Variants in ERBB4 observed in about 807,000 individuals in gnomAD.
ERBB4 encodes erb-b2 receptor tyrosine kinase 4, also known as receptor tyrosine-protein kinase erbB-4.
A neutral mutation model predicts 158.0 loss-of-function variants in ERBB4; 42 were observed. That is an observed-to-expected ratio of 0.27 (90% confidence interval 0.21 to 0.34). ERBB4 has a LOEUF of 0.34. Ranked by LOEUF, ERBB4 falls within the 10% of genes least tolerant of loss-of-function variation. The pLI, the probability that ERBB4 is intolerant of heterozygous loss-of-function variation, is 1.00. For synonymous variants in ERBB4, 583 were observed against 558.7 expected (o/e 1.04, Z -0.61); for missense variants, 1,333 against 1,624.1 (o/e 0.82, Z 3.08).
At position 211,616,184 on chromosome 2, in the gene ERBB4, C is replaced by G. The variant is rs138720326; in HGVS notation, c.2301+2993G>C. Among the ~76,000 whole-genome samples the G allele has an allele frequency of 5.6e-3, 853 of 151,004 alleles. 11 individuals carry two copies. Among genetic ancestry groups the G allele is most frequent in the African/African-American group, 0.02 (815 of 41,046 alleles). ...GTGAAGTGTGGCTCTTTCCCAGCAGCTCTACACCCTCAGCTCCCTTAACCC... is the reference window on the plus strand; with the variant it reads ...GTGAAGTGTGGCTCTTTCCCAGCAGGTCTACACCCTCAGCTCCCTTAACCC... On this transcript the variant is annotated intron_variant, in intron 19 of 27. Transcript: ENST00000342788.
chr2:211,746,655 C>T (rs1257068233), intron 5 of ERBB4, among the ~76,000 whole-genome samples: 4 of 151,870 alleles, frequency 2.6e-5, no homozygotes, highest in African/African-American at 7.3e-5. Flanking sequence ...ATGGCGAAAC[C>T]CCGTCTCTAC....
At chr2:212,105,084 T>A (rs1426087339) in intron 2 of ERBB4, among the ~76,000 whole-genome samples, 1 of 152,220 alleles carries the variant, frequency 6.6e-6, no homozygotes, top group Non-Finnish European at 1.5e-5. Context: ...CCCTAAAAAA[T>A]CAGATGACTT....
At chr2:211,521,017 C>T (rs1353699785) in intron 20 of ERBB4, among the ~76,000 whole-genome samples, 1 of 152,074 alleles carries the variant, frequency 6.6e-6, no homozygotes, top group Admixed American at 6.6e-5. Context: ...CTTCCTATCC[C>T]CTGACATACA....
intron 4 of ERBB4, among the ~76,000 whole-genome samples, chr2:211,783,416 T>C (rs949924536): frequency 2.6e-5 from 4 of 152,092 alleles, no homozygotes; most frequent in African/African-American, 9.7e-5. Flanking sequence ...TGAATAGGAG[T>C]GGTGAGAGAG....
At chr2:211,807,808 G>T (rs1435771595) in intron 3 of ERBB4, among the ~76,000 whole-genome samples, 3 of 152,106 alleles carry the variant, frequency 2.0e-5, no homozygotes, top group African/African-American at 7.2e-5. Context: ...ACTTTTTAAT[G>T]ATCTCCATTG....
At chr2:211,728,762 A>G (rs979014458) in intron 5 of ERBB4, among the ~76,000 whole-genome samples, 2 of 151,896 alleles carry the variant, frequency 1.3e-5, no homozygotes, top group Non-Finnish European at 3.0e-5. Flanking sequence ...TTTTAATCAT[A>G]GACAGATATG....
chr2:212,337,034 T>C (rs951921290), intron 1 of ERBB4, among the ~76,000 whole-genome samples: 1 of 152,070 alleles, frequency 6.6e-6, no homozygotes, highest in African/African-American at 2.4e-5. Context: ...ATTCCATCAG[T>C]TTCTTAAGAA....
At chr2:212,523,053 G>A (rs932580677) in intron 1 of ERBB4, among the ~76,000 whole-genome samples, 1 of 151,846 alleles carries the variant, frequency 6.6e-6, no homozygotes, top group African/African-American at 2.4e-5. Context: ...AATGGAAAAA[G>A]CAAAACATTT....
chr2:212,416,285 T>C (rs1405346810), intron 1 of ERBB4, among the ~76,000 whole-genome samples: 1 of 152,090 alleles, frequency 6.6e-6, no homozygotes, highest in Non-Finnish European at 1.5e-5. Context: ...AGTAGAGGAA[T>C]TAAGATACAC....
At chr2:212,400,085 T>C (rs2106460420) in intron 1 of ERBB4, among the ~76,000 whole-genome samples, 1 of 152,090 alleles carries the variant, frequency 6.6e-6, no homozygotes, top group Non-Finnish European at 1.5e-5. Context: ...CTAGAAGTTA[T>C]AGTGAAGGAA....
At chr2:212,229,723 AG>A (rs1401185337) in intron 1 of ERBB4, among the ~76,000 whole-genome samples, 1 of 152,142 alleles carries the variant, frequency 6.6e-6, no homozygotes, top group African/African-American at 2.4e-5. Context: ...AGCAACAATA[AG>A]TGGTTCTGGA....
intron 3 of ERBB4, among the ~76,000 whole-genome samples, chr2:211,882,610 A>G (rs2078694097): frequency 6.6e-6 from 1 of 152,236 alleles, no homozygotes; most frequent in African/African-American, 2.4e-5. Context: ...TATTTAAATT[A>G]TTTTGAAATA....
At chr2:212,069,018 C>T (rs1304471821) in intron 2 of ERBB4, among the ~76,000 whole-genome samples, 1 of 152,092 alleles carries the variant, frequency 6.6e-6, no homozygotes, top group African/African-American at 2.4e-5. Flanking sequence ...CATCACTTTG[C>T]TCTTTCTTCA....
chr2:211,532,753 C>A (rs866950600), intron 20 of ERBB4, among the ~76,000 whole-genome samples: 14 of 151,902 alleles, frequency 9.2e-5, no homozygotes, highest in Middle Eastern at 6.8e-3. Flanking sequence ...CCAAAAGGTT[C>A]AATGACTGAC....
At chr2:211,954,781 T>C (rs1233495262) in intron 2 of ERBB4, among the ~76,000 whole-genome samples, 1 of 152,096 alleles carries the variant, frequency 6.6e-6, no homozygotes, top group Non-Finnish European at 1.5e-5. Flanking sequence ...TAAATTTCCC[T>C]AGGCAATTAA....
At chr2:212,449,343 T>C (rs1309459129) in intron 1 of ERBB4, among the ~76,000 whole-genome samples, 2 of 152,162 alleles carry the variant, frequency 1.3e-5, no homozygotes, top group East Asian at 3.8e-4. Context: ...ATTTTATTGG[T>C]AGGAAGAGGT....
intron 1 of ERBB4, among the ~76,000 whole-genome samples, chr2:212,226,022 T>C (rs1041502806): frequency 6.6e-6 from 1 of 152,180 alleles, no homozygotes; most frequent in African/African-American, 2.4e-5. Flanking sequence ...GAGATTATCC[T>C]GGTTGAGCCT....
intron 1 of ERBB4, among the ~76,000 whole-genome samples, chr2:212,528,782 C>T (rs889998231): frequency 1.3e-5 from 2 of 152,016 alleles, no homozygotes; most frequent in African/African-American, 4.8e-5. Flanking sequence ...ATTTTCAGAA[C>T]GTAGAGTGAA....
At chr2:211,640,154 A>G (rs1432017450) in intron 16 of ERBB4, among the ~76,000 whole-genome samples, 1 of 152,172 alleles carries the variant, frequency 6.6e-6, no homozygotes, top group Non-Finnish European at 1.5e-5. Flanking sequence ...ATACTGAAAG[A>G]AGATTTTTTT....
Sources: gnomAD v4.1 joint callset for allele counts (sites outside exome capture counted in the v4.1 genomes callset) on GRCh38, gnomAD v4.1.1 for gene constraint, MANE v1.5 for transcripts, NCBI Gene and HGNC (gene_info 2026-07-23, HGNC 2026-07-21) for gene names.